Variants in PCSK1 observed in about 807,000 individuals in gnomAD.
The protein encoded by PCSK1 is neuroendocrine convertase 1.
Under a neutral mutation model 90.6 loss-of-function variants are expected in PCSK1, and 56 were observed. The ratio of observed to expected loss-of-function variants is 0.62; its 90% CI spans 0.50 to 0.77. PCSK1 has a LOEUF of 0.77. Ranked by LOEUF, PCSK1 falls within the 30% of genes least tolerant of loss-of-function variation. The probability of loss-of-function intolerance (pLI) is 0.00; values close to 1 mark genes in which losing one functional copy is unlikely to be tolerated. For missense variants in PCSK1, 801 were observed against 932.6 expected (o/e 0.86, Z 1.84); for synonymous variants, 348 against 342.4 (o/e 1.02, Z -0.18).
chr5:96,397,309 T>C, intron 12 of PCSK1, 27 bp downstream of exon 12: 1 of 1,606,520 alleles, frequency 6.2e-7, no homozygotes, highest in African/African-American at 1.3e-5. Context: ...TAAGCTTGTG[T>C]TTTTTCATCC....
intron 5 of PCSK1, among the ~76,000 whole-genome samples, chr5:96,418,557 TC>T (rs1761006407): frequency 1.3e-5 from 2 of 152,196 alleles, no homozygotes; most frequent in Admixed American, 6.5e-5. Flanking sequence ...AAATGTAGCT[TC>T]TATTAATCTC....
In PCSK1 at chr5:96,429,277, T is replaced by C; in HGVS notation, c.221A>G (p.Asn74Ser). 1.2e-6 allele frequency: 2 copies of C among 1,600,910 alleles called. No individual in the cohort carries two copies. The highest frequency in any genetic ancestry group is 3.3e-4 in the Middle Eastern group (2 of 6,038). Residue 74 changes from asparagine to serine, a missense_variant, in exon 2 of 14, where the codon AAC (asparagine) becomes AGC (serine). By Grantham distance (46) the Asn-to-Ser change is conservative. Transcript: ENST00000311106. Reference protein sequence around the residue: ...LENHYLFKHKNHPRRSRRSAF... With the variant: ...LENHYLFKHKSHPRRSRRSAF... ...ACTCCTTCGAGACCTTCTGGGGTGG[T>C]TTTTATGTTTGAATAAGTAGTGATT...
intron 12 of PCSK1, among the ~76,000 whole-genome samples, chr5:96,395,433 A>C (rs1760102284): frequency 6.6e-6 from 1 of 152,232 alleles, no homozygotes; most frequent in African/African-American, 2.4e-5. Context: ...ATTGTGTGGC[A>C]CATATGCACT....
intron 9 of PCSK1, among the ~76,000 whole-genome samples, chr5:96,405,079 T>G (rs1760510552): frequency 6.6e-6 from 1 of 152,162 alleles, no homozygotes; most frequent in African/African-American, 2.4e-5. Flanking sequence ...GCATTCAGCT[T>G]TGGTATAGAC....
intron 5 of PCSK1, among the ~76,000 whole-genome samples, chr5:96,420,624 C>T (rs1252669926): frequency 6.6e-6 from 1 of 152,094 alleles, no homozygotes; most frequent in Non-Finnish European, 1.5e-5. Context: ...TGTACCCCAG[C>T]CTCCCATCCT....
chr5:96,422,438 T>C (rs912919482), intron 4 of PCSK1, among the ~76,000 whole-genome samples: 2 of 152,164 alleles, frequency 1.3e-5, no homozygotes, highest in African/African-American at 4.8e-5. Context: ...GCACACTAAA[T>C]AAACATGTAA....
rs1395477569 is a variant in PCSK1 at position 96,427,790 on chromosome 5, CA to C, written c.285+1422del. ...CATGCAGTTTGGGCATGCATTTAGG[CA>C]AAGAAGGAAATCTCTCTTCTGCTTA... On this transcript the variant is annotated intron_variant, in intron 2 of 13. Coordinates refer to ENST00000311106, the MANE Select transcript of PCSK1 (RefSeq NM_000439.5). Among the ~76,000 whole-genome samples the C allele has an allele frequency of 3.3e-5, 5 of 152,166 alleles. No individual in the cohort carries two copies. In the East Asian group the frequency reaches 9.6e-4, roughly 29 times the overall value.
At chr5:96,399,900 A>G (rs1176819590) in intron 10 of PCSK1, 53 bp downstream of exon 10, 1 of 1,356,510 alleles carries the variant, frequency 7.4e-7, no homozygotes, top group Non-Finnish European at 1.1e-6. Flanking sequence ...CAAACATAGT[A>G]ATGAAATTAT....
At chr5:96,425,037 AAAGAAAGAAAG>A (rs1561376341) in intron 3 of PCSK1, among the ~76,000 whole-genome samples, 56 of 141,310 alleles carry the variant, frequency 4.0e-4, no homozygotes, top group South Asian at 1.8e-3. Context: ...AGAAAGAAAG[AAAGAAAGAAAG>A]AAAGAAAGAA....
chr5:96,411,042 A>T, intron 7 of PCSK1, 56 bp from the exon 8 acceptor site: 1 of 1,224,116 alleles, frequency 8.2e-7, no homozygotes, highest in Non-Finnish European at 1.2e-6. Context: ...GGTCATTGTT[A>T]TATCCCAATA....
intron 12 of PCSK1, among the ~76,000 whole-genome samples, chr5:96,397,082 G>A (rs941133119): frequency 3.9e-5 from 6 of 152,294 alleles, no homozygotes; most frequent in African/African-American, 1.4e-4. Flanking sequence ...ACCTGGATTT[G>A]TCCCACAGTC....
intron 7 of PCSK1, among the ~76,000 whole-genome samples, chr5:96,411,993 T>G (rs1455960167): frequency 6.6e-6 from 1 of 152,144 alleles, no homozygotes; most frequent in African/African-American, 2.4e-5. Context: ...CTAAACTAGG[T>G]TGCAGAACAG....
In PCSK1 at chr5:96,432,905, G is replaced by A; in HGVS notation, c.138C>T (p.Ala46=). The change falls in exon 1 of 14, where the codon GCC becomes GCT. Residue 46 remains alanine (A), a synonymous_variant. Coordinates refer to ENST00000311106, the MANE Select transcript of PCSK1 (RefSeq NM_000439.5). ...AGCCCAGCTCCTCGGCGATGGCCGA[G>A]GCTGCTTCCGGGCCCCCGGGGATCT... ...AAEIPGGPEA[A]SAIAEELGYD... is the part of the protein sequence containing the mutation. 6.2e-7 allele frequency: 1 copy of A among 1,614,130 alleles called. No individual in the cohort carries two copies.
At position 96,392,872 on chromosome 5, in the gene PCSK1, A is replaced by C; in HGVS notation, c.*129T>G. On this transcript the variant is annotated 3_prime_UTR_variant, in exon 14 of 14. Transcript: ENST00000311106. The stretch of plus-strand genomic sequence containing the variant: ...CTTCACATGTACAGTTTAGGGAGAA[A>C]AAGAAAAGGTGCCACAAAGGATATT... 1 of 957,598 alleles carries C rather than the reference A, an allele frequency of 1.0e-6. No homozygotes were observed. The allele number at this position is 957,598 out of a possible 1,614,324, so 59.3% of individuals were successfully genotyped here. A position where few individuals can be genotyped will look rare whatever the true frequency, so the allele number is the denominator to read the frequency against.
At chr5:96,430,675 T>C (rs1487311554) in intron 1 of PCSK1, among the ~76,000 whole-genome samples, 2 of 152,230 alleles carry the variant, frequency 1.3e-5, no homozygotes, top group Non-Finnish European at 2.9e-5. Flanking sequence ...AGGAACGTGC[T>C]ATCAGCCTTC....
rs1003608842 is a variant in PCSK1 at position 96,423,252 on chromosome 5, C to T, written c.543+61G>A. 1.4e-5 allele frequency: 22 copies of T among 1,522,702 alleles called. No individual in the cohort carries two copies. The African/African-American group carries it at 2.9e-4, about 20-fold the overall frequency. The allele number at this position is 1,522,702 out of a possible 1,614,324, so 94.3% of individuals were successfully genotyped here. On this transcript the variant is annotated intron_variant, in intron 4 of 13. Coordinates refer to ENST00000311106, the MANE Select transcript of PCSK1 (RefSeq NM_000439.5). ...CATCCCCTTGAAAAGAAGGAAAGCCCTAACTGTGTGTCTGCACAGACAGCT... is the reference window on the plus strand; with the variant it reads ...CATCCCCTTGAAAAGAAGGAAAGCCTTAACTGTGTGTCTGCACAGACAGCT...
chr5:96,411,615 A>G (rs1293288206), intron 7 of PCSK1, among the ~76,000 whole-genome samples: 2 of 152,252 alleles, frequency 1.3e-5, no homozygotes, highest in Admixed American at 6.5e-5. Context: ...AGCAGAAGGC[A>G]ACACGTTTCT....
At chr5:96,410,051 G>A (rs1760702945) in intron 8 of PCSK1, among the ~76,000 whole-genome samples, 1 of 152,176 alleles carries the variant, frequency 6.6e-6, no homozygotes, top group Non-Finnish European at 1.5e-5. Context: ...GGTCCTTTCT[G>A]TGTCAGGAGT....
intron 13 of PCSK1, 101 bp downstream of exon 13, chr5:96,394,763 T>C: frequency 1.0e-6 from 1 of 999,436 alleles, no homozygotes; most frequent in Non-Finnish European, 1.6e-6. Context: ...TCCCCATCCA[T>C]GTTTGACTTA....
Sources: gnomAD v4.1 joint callset for allele counts (sites outside exome capture counted in the v4.1 genomes callset) on GRCh38, gnomAD v4.1.1 for gene constraint, MANE v1.5 for transcripts, NCBI Gene and HGNC (gene_info 2026-07-23, HGNC 2026-07-21) for gene names.